The following COL18A1 variants were observed in gnomAD, a reference collection of about 807,000 sequenced individuals.
COL18A1 encodes the protein collagen type XVIII alpha 1 chain.
In COL18A1, 133 loss-of-function variants were observed where a neutral mutation model predicts 168.0. The ratio of observed to expected loss-of-function variants is 0.79; its 90% CI spans 0.69 to 0.91. The LOEUF (loss-of-function observed/expected upper bound fraction) is 0.91. Among genes scored for constraint, COL18A1 ranks in the 40% least tolerant of loss-of-function variants. The pLI is 0.00. For missense variants in COL18A1, 2,126 were observed against 1,925.4 expected, an observed-to-expected ratio of 1.10 and a Z score of -1.95; for synonymous variants, 949 against 809.0, an observed-to-expected ratio of 1.17 and a Z score of -2.94.
chr21:45,474,368 G>A (rs1460012660), intron 4 of COL18A1, among the ~76,000 whole-genome samples: 1 of 146,946 alleles, frequency 6.8e-6, no homozygotes. Flanking sequence ...TGGTGTGTCT[G>A]TCTTGTGTGT....
At chr21:45,480,886 G>T in intron 13 of COL18A1, 28 bp downstream of exon 13, 1 of 1,596,606 alleles carries the variant, frequency 6.3e-7, no homozygotes. Context: ...CGTCAGTGTC[G>T]GGAGCCCTGT....
intron 39 of COL18A1, 87 bp from the exon 40 acceptor site, chr21:45,509,977 C>T (rs1187391918): frequency 6.9e-7 from 1 of 1,449,452 alleles, no homozygotes; most frequent in Non-Finnish European, 9.3e-7. Context: ...CCTGTCCACA[C>T]AGGTGCGGGG....
chr21:45,437,806 ACT>A (rs1159627704), intron 2 of COL18A1, among the ~76,000 whole-genome samples: 2 of 62,014 alleles, frequency 3.2e-5, no homozygotes, highest in Non-Finnish European at 5.4e-5. Flanking sequence ...ACACACAGGC[ACT>A]CTCCTGCACA....
chr21:45,479,339 TAC>T lies in COL18A1; in HGVS notation c.1249-556_1249-555del, dbSNP rs544111685. ...TACACCACACGTGGATACACTTGCA[TAC>T]ACACACTACACACACGTGTGTGCAC... On this transcript the variant is annotated intron_variant, in intron 9 of 41. Coordinates refer to ENST00000651438, the MANE Select transcript of COL18A1 (RefSeq NM_001379500.1). 1.2e-3 allele frequency among the ~76,000 whole-genome samples: 175 copies of T among 146,118 alleles called. 1 individual carries two copies. In the Middle Eastern group the frequency reaches 0.014, roughly 12 times the overall value.
chr21:45,502,271 A>G (rs1044993079), intron 32 of COL18A1, among the ~76,000 whole-genome samples: 7 of 152,164 alleles, frequency 4.6e-5, no homozygotes, highest in Non-Finnish European at 2.9e-5. Flanking sequence ...TCCAGGGGTG[A>G]GGTGGTCCCC....
At chr21:45,479,583 A>G (rs1356774020) in intron 9 of COL18A1, among the ~76,000 whole-genome samples, 4 of 150,484 alleles carry the variant, frequency 2.7e-5, no homozygotes, top group Admixed American at 2.0e-4. Context: ...CACACTCCTC[A>G]CACACACACC....
In COL18A1 at chr21:45,509,419, C is replaced by A. The variant is rs566518554; in HGVS notation, c.3313C>A (p.Arg1105=). The part of the protein sequence containing the change: ...VQLHDSNPYP[R]REHPHPTARP... ...GCTGCACGACAGCAACCCCTACCCG[C>A]GGCGGGAGCACCCCCACCCCACCGC... The change falls in exon 39 of 42, where the codon CGG becomes AGG. Residue 1105 remains arginine (R), a synonymous_variant. Transcript: ENST00000651438. The A allele has an allele frequency of 1.3e-6, 2 of 1,538,544 alleles. No homozygotes were observed. The highest frequency in any genetic ancestry group is 1.7e-6 in the Non-Finnish European group (2 of 1,143,220).
At position 45,463,051 on chromosome 21, in the gene COL18A1, T is replaced by C. The variant is rs1489262196; in HGVS notation, c.107-5191T>C. Reference sequence around the variant, plus strand: ...TCTTACATGCTGCTGTTTTTCAATGTCCCGTTCTTTCATGTTTGGCTCCCA... The same window carrying C: ...TCTTACATGCTGCTGTTTTTCAATGCCCCGTTCTTTCATGTTTGGCTCCCA... On this transcript the variant is annotated intron_variant, in intron 2 of 41. Coordinates refer to ENST00000651438, the MANE Select transcript of COL18A1 (RefSeq NM_001379500.1). The surrounding 1 kb of genome is among the most constrained non-coding windows in gnomAD (Gnocchi z 4.0). Among the ~76,000 whole-genome samples the C allele has an allele frequency of 6.6e-6, 1 of 152,188 alleles. No homozygotes were observed. Among genetic ancestry groups the C allele is most frequent in the Middle Eastern group, 3.2e-3 (1 of 316 alleles).
chr21:45,445,092 A>G (rs2034476076), intron 2 of COL18A1, among the ~76,000 whole-genome samples: 1 of 152,158 alleles, frequency 6.6e-6, no homozygotes. Flanking sequence ...GGAACATTTC[A>G]TCACTCCAGA....
At chr21:45,492,466 G>A in intron 22 of COL18A1, 69 bp from the exon 23 acceptor site, 9 of 1,569,764 alleles carry the variant, frequency 5.7e-6, no homozygotes, top group Non-Finnish European at 7.9e-6. Context: ...TGATCTGTAA[G>A]TCGCTCGAGT....
At chr21:45,496,134 G>T (rs922974313) in intron 29 of COL18A1, 4 of 367,504 alleles carry the variant, frequency 1.1e-5, no homozygotes, top group African/African-American at 4.7e-5. Flanking sequence ...CCATGCTGGG[G>T]GTTCTCCCGC....
intron 28 of COL18A1, 80 bp from the exon 29 acceptor site, chr21:45,495,278 G>T (rs1181652069): frequency 1.6e-6 from 2 of 1,244,280 alleles, no homozygotes; most frequent in Non-Finnish European, 2.3e-6. Context: ...CTGGCGTGGG[G>T]CTAACGGCAG....
intron 31 of COL18A1, 73 bp from the exon 32 acceptor site, chr21:45,497,526 C>T (rs771796647): frequency 1.6e-4 from 249 of 1,538,438 alleles, no homozygotes; most frequent in Middle Eastern, 3.4e-4. Context: ...TAGGGCATTT[C>T]GGGCAGGAGG....
chr21:45,510,049 C>T lies in COL18A1; in HGVS notation c.3496-15C>T. 6.5e-7 allele frequency: 1 copy of T among 1,547,444 alleles called. No homozygotes were observed. The highest frequency in any genetic ancestry group is 8.7e-7 in the Non-Finnish European group (1 of 1,152,158). On this transcript the variant is annotated splice_polypyrimidine_tract_variant and intron_variant, in intron 39 of 41. Coordinates refer to ENST00000651438, the MANE Select transcript of COL18A1 (RefSeq NM_001379500.1). Reference sequence around the variant, plus strand: ...AGCGTGGGACACAGCCCGTGACGCGCCCCTCTCCCCGCAGCTCCACCTGGT... The same window carrying T: ...AGCGTGGGACACAGCCCGTGACGCGTCCCTCTCCCCGCAGCTCCACCTGGT...
At chr21:45,493,663 C>T in intron 26 of COL18A1, 88 bp downstream of exon 26, 1 of 984,348 alleles carries the variant, frequency 1.0e-6, no homozygotes, top group Non-Finnish European at 1.5e-6. Flanking sequence ...GAGGGTCTGG[C>T]TCCTGATGCA....
At chr21:45,481,333 C>T (rs1269769879) in intron 13 of COL18A1, among the ~76,000 whole-genome samples, 3 of 152,152 alleles carry the variant, frequency 2.0e-5, no homozygotes, top group Non-Finnish European at 4.4e-5. Context: ...GTGCCTGCCC[C>T]ACCAGCTGTG....
At chr21:45,459,165 G>A (rs764899551) in intron 2 of COL18A1, among the ~76,000 whole-genome samples, 2 of 152,168 alleles carry the variant, frequency 1.3e-5, no homozygotes, top group African/African-American at 2.4e-5. Context: ...TGGCCTGGCC[G>A]GGAGGGTCCT....
At chr21:45,468,206 G>C in intron 2 of COL18A1, 36 bp from the exon 3 acceptor site, 2 of 1,611,484 alleles carry the variant, frequency 1.2e-6, no homozygotes, top group Non-Finnish European at 1.7e-6. Context: ...GTTCCGTCCT[G>C]CACAGCCACC....
intron 26 of COL18A1, chr21:45,493,915 G>C (rs2036445233): frequency 5.6e-6 from 2 of 355,632 alleles, no homozygotes; most frequent in Non-Finnish European, 5.2e-6. Context: ...AGCCTCAGCA[G>C]GTTTCTGGCT....
Sources: allele counts gnomAD v4.1 joint callset (sites outside exome capture counted in the v4.1 genomes callset), GRCh38; gene constraint gnomAD v4.1.1; non-coding constraint Gnocchi (gnomAD v3.1); transcripts MANE v1.5; gene names NCBI Gene and HGNC (gene_info 2026-07-23, HGNC 2026-07-21).